Variants in BCAS3 observed in about 807,000 individuals in gnomAD.
BCAS3 encodes BCAS4/BCAS3 fusion.
In BCAS3, 53 loss-of-function variants were observed where a neutral mutation model predicts 116.1. That is an observed-to-expected ratio of 0.46 (90% CI 0.37 to 0.57). The LOEUF (loss-of-function observed/expected upper bound fraction) is 0.57. Ranked by LOEUF, BCAS3 falls within the 20% of genes least tolerant of loss-of-function variation. The pLI, the probability that BCAS3 is intolerant of heterozygous loss-of-function variation, is 0.00. For missense variants in BCAS3, 917 were observed against 1,165.4 expected (o/e 0.79, Z 3.10); for synonymous variants, 391 against 408.2 (o/e 0.96, Z 0.51).
At position 61,199,455 on chromosome 17, in the gene BCAS3, T is replaced by A. The variant is rs1034186055; in HGVS notation, c.2425+114891T>A. 2.0e-5 allele frequency among the ~76,000 whole-genome samples: 3 copies of A among 152,340 alleles called. No homozygotes were observed. Among genetic ancestry groups the A allele is most frequent in the Admixed American group, 2.0e-4 (3 of 15,302 alleles). ...CTAGTTTAAAGGCAAATAGTAGCTA[T>A]CACAACCAAATTTAGAATGTGACAC... On this transcript the variant is annotated intron_variant, in intron 22 of 23. Coordinates refer to ENST00000407086, the MANE Select transcript of BCAS3 (RefSeq NM_017679.5). The surrounding 1 kb of genome is among the most constrained non-coding windows in gnomAD (Gnocchi z 4.6).
In BCAS3 at chr17:61,012,858, T is replaced by G. The variant is rs2065203287; in HGVS notation, c.1487-2893T>G. On this transcript the variant is annotated intron_variant, in intron 15 of 23. Transcript: ENST00000407086. This position sits in a 1 kb window ranked among gnomAD's most constrained non-coding sequence, Gnocchi z 4.5. The stretch of plus-strand genomic sequence containing the variant: ...TCATTTTCCTAGACCACTCCTTTTA[T>G]CTGTCAAATTCAATGACTTCAACAT... Among the ~76,000 whole-genome samples the G allele has an allele frequency of 6.6e-6, 1 of 152,094 alleles. No individual in the cohort carries two copies. The highest frequency in any genetic ancestry group is 6.6e-5 in the Admixed American group (1 of 15,258).
chr17:61,218,225 G>C (rs771682060), intron 22 of BCAS3, among the ~76,000 whole-genome samples: 4 of 152,188 alleles, frequency 2.6e-5, no homozygotes, highest in Non-Finnish European at 5.9e-5. Context: ...GCATTCCAAG[G>C]CTGCTGTGAG....
At chr17:61,320,589 C>T (rs944195613) in intron 22 of BCAS3, among the ~76,000 whole-genome samples, 8 of 151,232 alleles carry the variant, frequency 5.3e-5, no homozygotes, top group Admixed American at 2.0e-4. Flanking sequence ...GGCAGGAGAA[C>T]GGCATGAACC....
rs552989121 is a variant in BCAS3 at position 61,132,301 on chromosome 17, C to G, written c.2425+47737C>G. ...CACAACCAGGTCAAAAGTTTCAAAT[C>G]TAGTGTTAAGTCCGTAACTGAAGGC... On this transcript the variant is annotated intron_variant, in intron 22 of 23. Coordinates refer to ENST00000407086, the MANE Select transcript of BCAS3 (RefSeq NM_017679.5). This position sits in a 1 kb window ranked among gnomAD's most constrained non-coding sequence, Gnocchi z 5.1. Among the ~76,000 whole-genome samples the G allele has an allele frequency of 6.6e-6, 1 of 152,288 alleles. No individual in the cohort carries two copies. Among genetic ancestry groups the G allele is most frequent in the Non-Finnish European group, 1.5e-5 (1 of 68,024 alleles).
At chr17:61,236,265 CTCT>C (rs1310791491) in intron 22 of BCAS3, among the ~76,000 whole-genome samples, 1 of 152,106 alleles carries the variant, frequency 6.6e-6, no homozygotes, top group Admixed American at 6.6e-5. Context: ...GGGCAAGTTG[CTCT>C]TCTTCTTAGA....
At chr17:60,691,054 C>T (rs1183262555) in intron 4 of BCAS3, among the ~76,000 whole-genome samples, 1 of 151,980 alleles carries the variant, frequency 6.6e-6, no homozygotes, top group East Asian at 1.9e-4. Flanking sequence ...TGTCTCAGCC[C>T]CCTGAGTAGC....
intron 13 of BCAS3, among the ~76,000 whole-genome samples, chr17:60,945,416 T>A (rs2060432314): frequency 6.6e-6 from 1 of 152,224 alleles, no homozygotes; most frequent in African/African-American, 2.4e-5. Context: ...TTTTACCTGA[T>A]TTCAAGATTT....
intron 22 of BCAS3, among the ~76,000 whole-genome samples, chr17:61,090,493 A>G (rs2073462050): frequency 6.6e-6 from 1 of 152,234 alleles, no homozygotes; most frequent in South Asian, 2.1e-4. Context: ...GTAAGTGTAT[A>G]CATTAAATTA....
intron 3 of BCAS3, among the ~76,000 whole-genome samples, chr17:60,687,790 C>T (rs531371891): frequency 1.0e-3 from 153 of 152,218 alleles, no homozygotes; most frequent in Non-Finnish European, 1.8e-3. Flanking sequence ...AAGGAACACA[C>T]GAAGCAGAGC....
At chr17:61,237,234 CTG>C (rs1199212364) in intron 22 of BCAS3, among the ~76,000 whole-genome samples, 3 of 152,170 alleles carry the variant, frequency 2.0e-5, no homozygotes, top group Admixed American at 2.0e-4. Context: ...AATCAGCACT[CTG>C]TAGCTAGCAA....
rs2058650842 is a variant in BCAS3 at position 61,364,991 on chromosome 17, A to G, written c.2426-3336A>G. Among the ~76,000 whole-genome samples the G allele has an allele frequency of 6.6e-6, 1 of 152,226 alleles. No individual in the cohort carries two copies. Among genetic ancestry groups the G allele is most frequent in the African/African-American group, 2.4e-5 (1 of 41,456 alleles). On this transcript the variant is annotated intron_variant, in intron 22 of 23. Coordinates refer to ENST00000407086, the MANE Select transcript of BCAS3 (RefSeq NM_017679.5). The surrounding 1 kb of genome is among the most constrained non-coding windows in gnomAD (Gnocchi z 5.4). ...CATATTTGTCATTAAGAACATATACATGAACACACCTATTACATACAGAAC... is the reference window on the plus strand; with the variant it reads ...CATATTTGTCATTAAGAACATATACGTGAACACACCTATTACATACAGAAC...
chr17:60,759,241 G>A (rs1598502800), intron 6 of BCAS3, among the ~76,000 whole-genome samples: 1 of 152,170 alleles, frequency 6.6e-6, no homozygotes. Flanking sequence ...GCCTTATATA[G>A]TCTGTCATGG....
chr17:61,283,740 A>T (rs1196556812), intron 22 of BCAS3, among the ~76,000 whole-genome samples: 1 of 152,126 alleles, frequency 6.6e-6, no homozygotes, highest in Non-Finnish European at 1.5e-5. Context: ...GGCGTGAGCC[A>T]CCGCACTTGG....
intron 19 of BCAS3, among the ~76,000 whole-genome samples, chr17:61,042,172 C>T (rs2067565556): frequency 6.6e-6 from 1 of 151,896 alleles, no homozygotes; most frequent in Non-Finnish European, 1.5e-5. Flanking sequence ...TGGAAAAATA[C>T]ATGACATGAA....
At position 60,689,763 on chromosome 17, in the gene BCAS3, T is replaced by C; in HGVS notation, c.214+2T>C. ...GATTTGAAAATGCAGATTTAAATGG[T>C]ATGGTTTTAACTTTTTTTGGGACGT... On this transcript the variant is annotated splice_donor_variant, in intron 4 of 23. Coordinates refer to ENST00000407086, the MANE Select transcript of BCAS3 (RefSeq NM_017679.5). LOFTEE classifies it high-confidence loss of function. 1 of 1,591,940 alleles carries C rather than the reference T, an allele frequency of 6.3e-7. No individual in the cohort carries two copies. The highest frequency in any genetic ancestry group is 8.6e-7 in the Non-Finnish European group (1 of 1,161,106).
intron 13 of BCAS3, among the ~76,000 whole-genome samples, chr17:60,930,228 C>T (rs1328137014): frequency 6.6e-6 from 1 of 152,016 alleles, no homozygotes; most frequent in Non-Finnish European, 1.5e-5. Flanking sequence ...TAATAATTAT[C>T]TAATTTGGTT....
chr17:60,818,710 C>T (rs552890576), intron 7 of BCAS3, among the ~76,000 whole-genome samples: 13 of 152,314 alleles, frequency 8.5e-5, no homozygotes, highest in African/African-American at 2.6e-4. Flanking sequence ...CCAAGTCTTT[C>T]ATTTGCCCAT....
Position 61,224,259 on chromosome 17 carries a change from T to A in BCAS3, c.2425+139695T>A, listed in dbSNP as rs2082264448. Among the ~76,000 whole-genome samples, 1 of 152,248 alleles carries A rather than the reference T, an allele frequency of 6.6e-6. No individual in the cohort carries two copies. Among genetic ancestry groups the A allele is most frequent in the Non-Finnish European group, 1.5e-5 (1 of 68,050 alleles). On this transcript the variant is annotated intron_variant, in intron 22 of 23. Transcript: ENST00000407086. This position sits in a 1 kb window ranked among gnomAD's most constrained non-coding sequence, Gnocchi z 5.7. ...AGTAAAGTTCTTGTTAGCAGGAAGA[T>A]GGACTGAGTATATGTATGACTATAA...
chr17:60,886,350 A>G (rs1490772421), intron 9 of BCAS3: 1 of 143,292 alleles, frequency 7.0e-6, no homozygotes, highest in Non-Finnish European at 1.5e-5. Context: ...ATTCTTCTAA[A>G]TTTTTTTCAA....
Sources: gnomAD v4.1 joint callset for allele counts (sites outside exome capture counted in the v4.1 genomes callset) on GRCh38, gnomAD v4.1.1 for gene constraint, Gnocchi (gnomAD v3.1) non-coding constraint, MANE v1.5 for transcripts, NCBI Gene and HGNC (gene_info 2026-07-23, HGNC 2026-07-21) for gene names.